Variants in AGBL4 observed in about 807,000 individuals in gnomAD.
AGBL4 encodes the protein AGBL carboxypeptidase 4.
In AGBL4, 58 loss-of-function variants were observed where a neutral mutation model predicts 66.4. The observed-to-expected ratio is 0.87, with a 90% CI of 0.71 to 1.09. The LOEUF (loss-of-function observed/expected upper bound fraction) is 1.09, where lower values mean the gene tolerates loss of function less well. AGBL4 is among the 50% of genes least tolerant of loss of function. The probability of loss-of-function intolerance (pLI) is 0.00; values close to 1 mark genes in which losing one functional copy is unlikely to be tolerated. For missense variants in AGBL4, 579 were observed against 631.0 expected, an observed-to-expected ratio of 0.92 and a Z score of 0.88; for synonymous variants, 234 against 222.9, an observed-to-expected ratio of 1.05 and a Z score of -0.44.
At chr1:48,989,561 C>T (rs1406770127) in intron 5 of AGBL4, among the ~76,000 whole-genome samples, 1 of 152,084 alleles carries the variant, frequency 6.6e-6, no homozygotes, top group Non-Finnish European at 1.5e-5. Flanking sequence ...CATCCTTCTA[C>T]TCTCTATCTC....
intron 5 of AGBL4, among the ~76,000 whole-genome samples, chr1:48,964,449 T>C (rs1437766910): frequency 6.6e-6 from 1 of 152,228 alleles, no homozygotes; most frequent in East Asian, 1.9e-4. Context: ...ACAGGATTAC[T>C]ATGAGCATTA....
chr1:48,677,512 G>A (rs1430580373), intron 6 of AGBL4, among the ~76,000 whole-genome samples: 1 of 152,256 alleles, frequency 6.6e-6, no homozygotes, highest in Non-Finnish European at 1.5e-5. Context: ...AGGCGCCAGG[G>A]GGCGCATTAC....
intron 9 of AGBL4, among the ~76,000 whole-genome samples, chr1:48,618,438 T>G (rs1557831990): frequency 2.0e-5 from 3 of 152,200 alleles, no homozygotes; most frequent in Non-Finnish European, 2.9e-5. Flanking sequence ...TCTATAGTAC[T>G]ACAGTCCCAC....
At chr1:49,155,850 C>T (rs971322621) in intron 4 of AGBL4, among the ~76,000 whole-genome samples, 3 of 152,182 alleles carry the variant, frequency 2.0e-5, no homozygotes, top group Non-Finnish European at 4.4e-5. Context: ...AGTTGGCCTG[C>T]CCAGTAAATG....
chr1:49,958,528 G>T (rs1656829515), intron 1 of AGBL4, among the ~76,000 whole-genome samples: 1 of 151,968 alleles, frequency 6.6e-6, no homozygotes, highest in African/African-American at 2.4e-5. Context: ...AAAAGGATAA[G>T]TTCATGTCCT....
chr1:49,683,573 A>G (rs1646735808), intron 3 of AGBL4, among the ~76,000 whole-genome samples: 1 of 152,216 alleles, frequency 6.6e-6, no homozygotes, highest in Admixed American at 6.5e-5. Context: ...GTGTAACATC[A>G]TATGATAACC....
intron 2 of AGBL4, among the ~76,000 whole-genome samples, chr1:49,795,840 T>C (rs936092370): frequency 1.3e-5 from 2 of 151,872 alleles, no homozygotes; most frequent in Non-Finnish European, 2.9e-5. Flanking sequence ...AATAAAACCA[T>C]AAAAAGACTA....
At chr1:49,345,324 T>C (rs540585941) in intron 3 of AGBL4, among the ~76,000 whole-genome samples, 1 of 152,274 alleles carries the variant, frequency 6.6e-6, no homozygotes, top group Non-Finnish European at 1.5e-5. Flanking sequence ...TCCTTGTCAA[T>C]TGTGTCTTTG....
chr1:49,377,653 ACTTATAGCAATAG>A (rs1427996212), intron 3 of AGBL4, among the ~76,000 whole-genome samples: 3 of 152,092 alleles, frequency 2.0e-5, no homozygotes, highest in African/African-American at 7.2e-5. Flanking sequence ...GTCACAAAAG[ACTTATAGCAATAG>A]CAGTAGGTAG....
chr1:49,947,163 A>G (rs1227017217), intron 1 of AGBL4, among the ~76,000 whole-genome samples: 1 of 152,020 alleles, frequency 6.6e-6, no homozygotes, highest in Admixed American at 6.6e-5. Flanking sequence ...CACAAGACAG[A>G]GAAAGAGGGA....
At chr1:49,844,108 A>G (rs1416964111) in intron 2 of AGBL4, among the ~76,000 whole-genome samples, 1 of 152,218 alleles carries the variant, frequency 6.6e-6, no homozygotes, top group Non-Finnish European at 1.5e-5. Flanking sequence ...AGGGTCATTT[A>G]TCTTCCTCCT....
At chr1:48,539,246 A>G (rs1644021930) in intron 12 of AGBL4, among the ~76,000 whole-genome samples, 1 of 152,256 alleles carries the variant, frequency 6.6e-6, no homozygotes, top group Non-Finnish European at 1.5e-5. Flanking sequence ...GTATGTGAGG[A>G]CTGCTGTCCT....
chr1:48,775,036 C>T (rs140068983), intron 6 of AGBL4, among the ~76,000 whole-genome samples: 335 of 152,336 alleles, frequency 2.2e-3, no homozygotes, highest in Middle Eastern at 6.8e-3. Flanking sequence ...AGCCTATCGT[C>T]TTGGGAAATA....
At chr1:48,674,538 G>A (rs902307688) in intron 6 of AGBL4, among the ~76,000 whole-genome samples, 6 of 151,376 alleles carry the variant, frequency 4.0e-5, no homozygotes, top group Non-Finnish European at 5.9e-5. Context: ...CGGGGAGGGG[G>A]GGGATGGGTG....
chr1:49,038,344 T>A (rs1664828508), intron 5 of AGBL4, among the ~76,000 whole-genome samples: 1 of 151,986 alleles, frequency 6.6e-6, no homozygotes, highest in African/African-American at 2.4e-5. Flanking sequence ...CACACACAGA[T>A]CCACCAGCAG....
chr1:49,037,166 T>C (rs1024415889), intron 5 of AGBL4, among the ~76,000 whole-genome samples: 2 of 152,128 alleles, frequency 1.3e-5, no homozygotes, highest in Non-Finnish European at 2.9e-5. Flanking sequence ...GAAATCCCTA[T>C]AATCTTTGGC....
intron 1 of AGBL4, among the ~76,000 whole-genome samples, chr1:49,899,000 A>T (rs1649498630): frequency 6.6e-6 from 1 of 152,284 alleles, no homozygotes; most frequent in Middle Eastern, 3.4e-3. Context: ...GTGAAGAGGA[A>T]GTGGGGATGG....
intron 4 of AGBL4, among the ~76,000 whole-genome samples, chr1:49,076,249 C>CAAGT (rs1009511957): frequency 3.2e-4 from 49 of 152,290 alleles, no homozygotes; most frequent in African/African-American, 1.2e-3. Context: ...TGCAGACGCT[C>CAAGT]AAGTCCCTTA....
chr1:49,240,205 G>T (rs996967725), intron 4 of AGBL4, among the ~76,000 whole-genome samples: 1 of 152,030 alleles, frequency 6.6e-6, no homozygotes, highest in Non-Finnish European at 1.5e-5. Context: ...CTCTATCACT[G>T]CATTTCATTC....
Sources: gnomAD v4.1 joint callset for allele counts (sites outside exome capture counted in the v4.1 genomes callset) on GRCh38, gnomAD v4.1.1 for gene constraint, MANE v1.5 for transcripts, NCBI Gene and HGNC (gene_info 2026-07-23, HGNC 2026-07-21) for gene names.